The following BBS5 variants were observed in gnomAD, a reference collection of about 807,000 sequenced individuals.
BBS5 encodes Bardet-Biedl syndrome 5.
In BBS5, 39 loss-of-function variants were observed where a neutral mutation model predicts 50.2. The ratio of observed to expected loss-of-function variants is 0.78; its 90% CI spans 0.60 to 1.01. The LOEUF (loss-of-function observed/expected upper bound fraction) is 1.01. Ranked by LOEUF, BBS5 falls within the 50% of genes least tolerant of loss-of-function variation. The probability of loss-of-function intolerance (pLI) is 0.00; values close to 1 mark genes in which losing one functional copy is unlikely to be tolerated. For synonymous variants in BBS5, 134 were observed against 133.1 expected, an observed-to-expected ratio of 1.01 and a Z score of -0.05; for missense variants, 356 against 401.5, an observed-to-expected ratio of 0.89 and a Z score of 0.97.
chr2:169,490,381 G>A (rs1683574085), intron 5 of BBS5, among the ~76,000 whole-genome samples: 1 of 151,408 alleles, frequency 6.6e-6, no homozygotes, highest in African/African-American at 2.4e-5. Context: ...TTTTAGTAGA[G>A]TTGGGTTTTA....
intron 9 of BBS5, among the ~76,000 whole-genome samples, chr2:169,502,603 A>G (rs11902340): frequency 0.081 from 12,378 of 152,272 alleles, 643 homozygotes; most frequent in Non-Finnish European, 0.11. Context: ...CTACTGGCAT[A>G]GTACCTAATA....
chr2:169,500,034 CA>C (rs1158896824), intron 9 of BBS5, among the ~76,000 whole-genome samples: 6 of 152,198 alleles, frequency 3.9e-5, no homozygotes, highest in Non-Finnish European at 8.8e-5. Flanking sequence ...GAGTAGGCTA[CA>C]TCAGCACGGC....
At chr2:169,491,868 C>T (rs2105297176) in intron 5 of BBS5, among the ~76,000 whole-genome samples, 1 of 152,298 alleles carries the variant, frequency 6.6e-6, no homozygotes, top group Middle Eastern at 3.4e-3. Flanking sequence ...GCAATCTCAG[C>T]TCACTGCAAT....
intron 11 of BBS5, 54 bp from the exon 12 acceptor site, chr2:169,504,427 C>G (rs760657420): frequency 1.3e-6 from 2 of 1,590,322 alleles, no homozygotes; most frequent in Non-Finnish European, 1.7e-6. Flanking sequence ...TGTTTTTTTC[C>G]TCTTCCTTGC....
chr2:169,494,242 C>A (rs1272830836), intron 7 of BBS5, among the ~76,000 whole-genome samples: 1 of 152,114 alleles, frequency 6.6e-6, no homozygotes, highest in East Asian at 1.9e-4. Flanking sequence ...TCTTGGCTCT[C>A]TTGTCATTTT....
rs1433178603 is a variant in BBS5, at chr2:169,487,832, A to T, written c.235A>T (p.Ile79Phe). The change falls in exon 4 of 12, where the codon ATT becomes TTT. Residue 79 changes from isoleucine (I) to phenylalanine (F), a missense_variant. Physicochemically the swap from Ile to Phe is conservative, Grantham distance 21 (BLOSUM62 0). Transcript: ENST00000295240. ...VSVGYNCILN[I>F]TTRTANSKLR... ...TGTCGGTTACAATTGCATATTGAAT[A>T]TTACAACAAGGACTGCTAACTCTGT... is the stretch of plus-strand genomic sequence containing the variant. 6.2e-7 allele frequency: 1 copy of T among 1,608,460 alleles called. No individual in the cohort carries two copies. The highest frequency in any genetic ancestry group is 8.5e-7 in the Non-Finnish European group (1 of 1,175,574).
chr2:169,506,171 GGGA>G lies in BBS5; in HGVS notation c.*1592_*1594del, dbSNP rs1683919918. The stretch of plus-strand genomic sequence containing the variant: ...GCCCGGCCAGCCGCCCGGTCCGGGA[GGGA>G]GGTGGGGGGGTCAGCCCCCCGCCCG... On this transcript the variant is annotated 3_prime_UTR_variant, in exon 12 of 12. Coordinates refer to ENST00000295240, the MANE Select transcript of BBS5 (RefSeq NM_152384.3). 6.5e-6 allele frequency: 1 copy of G among 152,726 alleles called. No individual in the cohort carries two copies. The highest frequency in any genetic ancestry group is 1.4e-5 in the Non-Finnish European group (1 of 69,938). 9.5% of individuals were successfully genotyped at this position (152,726 alleles called of 1,614,324 possible).
intron 1 of BBS5, among the ~76,000 whole-genome samples, chr2:169,481,789 C>G (rs1197097569): frequency 6.6e-6 from 1 of 152,090 alleles, no homozygotes; most frequent in African/African-American, 2.4e-5. Context: ...TACTCAGAAA[C>G]CTTTGGAGGT....
intron 5 of BBS5, among the ~76,000 whole-genome samples, chr2:169,491,035 G>C (rs927753255): frequency 1.3e-5 from 2 of 152,124 alleles, no homozygotes; most frequent in Non-Finnish European, 2.9e-5. Flanking sequence ...TCCATTGTAT[G>C]GGCATACCAC....
At chr2:169,498,697 C>A (rs1237001120) in intron 8 of BBS5, among the ~76,000 whole-genome samples, 12 of 151,628 alleles carry the variant, frequency 7.9e-5, no homozygotes, top group African/African-American at 2.9e-4. Context: ...CCCAGCTACT[C>A]CGGAGAGGCT....
Position 169,504,665 on chromosome 2 carries a change from T to A in BBS5, c.*83T>A. The A allele has an allele frequency of 8.3e-7, 1 of 1,204,358 alleles. No homozygotes were observed. Among genetic ancestry groups the A allele is most frequent in the African/African-American group, 1.5e-5 (1 of 65,944 alleles). 74.6% of individuals were successfully genotyped at this position (1,204,358 alleles called of 1,614,324 possible). ...TCACCTGCCATAAGTCATGGAATAGTTTTTATATTTACAGCTTTTATATTT... is the reference window on the plus strand; with the variant it reads ...TCACCTGCCATAAGTCATGGAATAGATTTTATATTTACAGCTTTTATATTT... On this transcript the variant is annotated 3_prime_UTR_variant, in exon 12 of 12. Transcript: ENST00000295240.
chr2:169,498,710 G>A (rs1683741250), intron 8 of BBS5, among the ~76,000 whole-genome samples: 1 of 151,806 alleles, frequency 6.6e-6, no homozygotes, highest in Non-Finnish European at 1.5e-5. Flanking sequence ...GAGAGGCTGA[G>A]GCAGGAGAAT....
chr2:169,504,857 G>C lies in BBS5; in HGVS notation c.*275G>C, dbSNP rs1683874649. 4.3e-6 allele frequency: 7 copies of C among 1,611,272 alleles called. No homozygotes were observed. Among genetic ancestry groups the C allele is most frequent in the Non-Finnish European group, 4.2e-6 (5 of 1,178,764 alleles). On this transcript the variant is annotated 3_prime_UTR_variant, in exon 12 of 12. Coordinates refer to ENST00000295240, the MANE Select transcript of BBS5 (RefSeq NM_152384.3). The stretch of plus-strand genomic sequence containing the variant: ...GGGTAGCTGGATTCCTCAGGCCCGG[G>C]CGCTCCTACAGCAGTGCCTGCACGC...
chr2:169,482,986 G>GA (rs893736768), intron 2 of BBS5, among the ~76,000 whole-genome samples: 3 of 150,366 alleles, frequency 2.0e-5, no homozygotes, highest in South Asian at 4.2e-4. Flanking sequence ...TACTTCCAAG[G>GA]AAAAAAAAAT....
chr2:169,487,357 G>A (rs557251326), intron 3 of BBS5, among the ~76,000 whole-genome samples: 23 of 152,138 alleles, frequency 1.5e-4, no homozygotes, highest in East Asian at 7.7e-4. Context: ...CTTGGTTCTT[G>A]TTTTTTGATT....
intron 7 of BBS5, among the ~76,000 whole-genome samples, chr2:169,494,555 TAA>T (rs879875018): frequency 7.1e-6 from 1 of 141,480 alleles, no homozygotes. Context: ...CTTCTCTATT[TAA>T]AAAAAAAAAA....
chr2:169,500,033 A>G (rs1017537706), intron 9 of BBS5, among the ~76,000 whole-genome samples: 2 of 152,224 alleles, frequency 1.3e-5, no homozygotes, highest in African/African-American at 4.8e-5. Flanking sequence ...GGAGTAGGCT[A>G]CATCAGCACG....
chr2:169,504,454 C>G lies in BBS5; in HGVS notation c.925-27C>G, dbSNP rs1038920493. ...CTTCCTTGCCCACCTTCTCTATTCC[C>G]ATCTTATCCTCCTGTCTCCCAAAAA... is the stretch of plus-strand genomic sequence containing the variant. On this transcript the variant is annotated intron_variant, in intron 11 of 11. Coordinates refer to ENST00000295240, the MANE Select transcript of BBS5 (RefSeq NM_152384.3). 14 of 1,599,910 alleles carry G rather than the reference C, an allele frequency of 8.8e-6. No homozygotes were observed. In the African/African-American group the frequency reaches 1.7e-4, roughly 20 times the overall value.
intron 7 of BBS5, 77 bp from the exon 8 acceptor site, chr2:169,497,550 A>T (rs1209661666): frequency 2.2e-6 from 2 of 891,518 alleles, no homozygotes; most frequent in African/African-American, 3.3e-5. Context: ...TACTGTGTAA[A>T]GTTTAAAAAC....
Sources: gnomAD v4.1 joint callset for allele counts (sites outside exome capture counted in the v4.1 genomes callset) on GRCh38, gnomAD v4.1.1 for gene constraint, MANE v1.5 for transcripts, NCBI Gene and HGNC (gene_info 2026-07-23, HGNC 2026-07-21) for gene names.